PARD3: variants seen among roughly 807,000 people sequenced by gnomAD.
The protein encoded by PARD3 is par-3 family cell polarity regulator.
PARD3 carries 75 observed loss-of-function variants against 155.4 expected under a neutral mutation model. The ratio of observed to expected loss-of-function variants is 0.48; its 90% confidence interval spans 0.40 to 0.58. PARD3 has a LOEUF of 0.58. Ranked by LOEUF, PARD3 falls within the 20% of genes least tolerant of loss-of-function variation. The pLI is 0.00. For missense variants in PARD3, 1,642 were observed against 1,721.7 expected (o/e 0.95, Z 0.82); for synonymous variants, 576 against 610.5 (o/e 0.94, Z 0.83).
rs1445497932 is a variant in PARD3 at position 34,411,710 on chromosome 10, A to G, written c.715-9793T>C. 1.1e-4 allele frequency among the ~76,000 whole-genome samples: 16 copies of G among 148,784 alleles called. 1 individual carries two copies. In the Admixed American group the frequency reaches 1.1e-3, roughly 10 times the overall value. On this transcript the variant is annotated intron_variant, in intron 5 of 24. Coordinates refer to ENST00000374788, the MANE Select transcript of PARD3 (RefSeq NM_001184785.2). ...CTTATAGTAAATGTTATATGTGTGT[A>G]TATATCTAAAGACATACATATCTAG...
chr10:34,443,393 G>T (rs897843090), intron 5 of PARD3, among the ~76,000 whole-genome samples: 1 of 152,178 alleles, frequency 6.6e-6, no homozygotes, highest in East Asian at 1.9e-4. Context: ...GTATTAGTCC[G>T]TTCTCATGCT....
chr10:34,741,698 C>T lies in PARD3; in HGVS notation c.121-45279G>A, dbSNP rs534106248. ...CTGGTCGGTGCCACTGTGATACCTGCTTCTGTGGAGCAGATGATCCTGGGA... is the reference window on the plus strand; with the variant it reads ...CTGGTCGGTGCCACTGTGATACCTGTTTCTGTGGAGCAGATGATCCTGGGA... On this transcript the variant is annotated intron_variant, in intron 1 of 24. Coordinates refer to ENST00000374788, the MANE Select transcript of PARD3 (RefSeq NM_001184785.2). 3.9e-5 allele frequency among the ~76,000 whole-genome samples: 6 copies of T among 152,310 alleles called. No individual in the cohort carries two copies. In the East Asian group the frequency reaches 5.8e-4, roughly 15 times the overall value.
chr10:34,298,318 G>A (rs1202738559), intron 20 of PARD3, among the ~76,000 whole-genome samples: 2 of 152,156 alleles, frequency 1.3e-5, no homozygotes, highest in African/African-American at 2.4e-5. Context: ...TAAGACACTC[G>A]CGTTCACAGC....
intron 1 of PARD3, among the ~76,000 whole-genome samples, chr10:34,753,159 G>C (rs1836279568): frequency 1.3e-5 from 2 of 152,226 alleles, no homozygotes; most frequent in Non-Finnish European, 2.9e-5. Flanking sequence ...CCTGATTGCT[G>C]TGTGTACAAA....
chr10:34,637,580 T>C (rs2132895679), intron 2 of PARD3, among the ~76,000 whole-genome samples: 1 of 152,320 alleles, frequency 6.6e-6, no homozygotes, highest in Admixed American at 6.5e-5. Context: ...ATAATGTGCT[T>C]TGTTCTCAAA....
intron 2 of PARD3, among the ~76,000 whole-genome samples, chr10:34,688,221 A>C (rs1012235808): frequency 1.3e-5 from 2 of 152,120 alleles, no homozygotes; most frequent in African/African-American, 2.4e-5. Flanking sequence ...CTGAATCCCA[A>C]GTATTTTTAT....
At chr10:34,689,080 G>A (rs1435722767) in intron 2 of PARD3, among the ~76,000 whole-genome samples, 1 of 152,124 alleles carries the variant, frequency 6.6e-6, no homozygotes, top group African/African-American at 2.4e-5. Context: ...CATGCATCCA[G>A]GGGATATTCA....
At chr10:34,160,429 G>A (rs1949219126) in intron 22 of PARD3, among the ~76,000 whole-genome samples, 1 of 152,134 alleles carries the variant, frequency 6.6e-6, no homozygotes, top group South Asian at 2.1e-4. Context: ...CAATCAGTAG[G>A]CACCAACACA....
At chr10:34,145,437 AAT>A (rs1491475540) in intron 22 of PARD3, among the ~76,000 whole-genome samples, 259 of 151,214 alleles carry the variant, frequency 1.7e-3, no homozygotes, top group African/African-American at 5.7e-3. Flanking sequence ...GTTTTCTTTA[AAT>A]ATTGGACCTC....
chr10:34,279,571 A>G (rs749048463), intron 21 of PARD3, among the ~76,000 whole-genome samples: 3 of 152,204 alleles, frequency 2.0e-5, no homozygotes, highest in Non-Finnish European at 4.4e-5. Flanking sequence ...ATCTAAATGC[A>G]AAGATTAGTG....
intron 1 of PARD3, among the ~76,000 whole-genome samples, chr10:34,716,201 G>T (rs2094517213): frequency 6.6e-6 from 1 of 152,134 alleles, no homozygotes. Context: ...TGTAATGCGT[G>T]TGCCTTCAGT....
At chr10:34,331,521 C>T (rs1835611289) in intron 18 of PARD3, among the ~76,000 whole-genome samples, 177 bp from the exon 19 acceptor site, 2 of 152,052 alleles carry the variant, frequency 1.3e-5, no homozygotes, top group Non-Finnish European at 2.9e-5. Context: ...TTATTTTTCC[C>T]AAACTTATAT....
At chr10:34,579,796 C>T (rs1417513179) in intron 2 of PARD3, among the ~76,000 whole-genome samples, 3 of 151,600 alleles carry the variant, frequency 2.0e-5, no homozygotes, top group African/African-American at 7.3e-5. Context: ...AGGCTGGTCT[C>T]GAACTCCTGA....
At chr10:34,170,309 A>C (rs1949727168) in intron 22 of PARD3, among the ~76,000 whole-genome samples, 1 of 151,990 alleles carries the variant, frequency 6.6e-6, no homozygotes, top group Non-Finnish European at 1.5e-5. Context: ...CTGGTCTAGA[A>C]CTCTGGTGTC....
At chr10:34,120,837 C>T (rs1391171604) in intron 23 of PARD3, among the ~76,000 whole-genome samples, 1 of 152,202 alleles carries the variant, frequency 6.6e-6, no homozygotes, top group Non-Finnish European at 1.5e-5. Flanking sequence ...TTGGTTAGCA[C>T]TCCATTTCAG....
At chr10:34,199,145 A>G (rs1951091064) in intron 22 of PARD3, among the ~76,000 whole-genome samples, 1 of 152,206 alleles carries the variant, frequency 6.6e-6, no homozygotes, top group Non-Finnish European at 1.5e-5. Flanking sequence ...GGATCCAATC[A>G]GATCGTGCCT....
At chr10:34,432,042 A>C (rs1303307433) in intron 5 of PARD3, among the ~76,000 whole-genome samples, 2 of 43,162 alleles carry the variant, frequency 4.6e-5, no homozygotes, top group African/African-American at 1.5e-4. Context: ...ACTCTGTCTC[A>C]AAAAAAAAAA....
intron 1 of PARD3, among the ~76,000 whole-genome samples, chr10:34,706,454 G>C (rs991940223): frequency 2.0e-5 from 3 of 152,172 alleles, no homozygotes; most frequent in African/African-American, 7.2e-5. Flanking sequence ...AGTACATAAA[G>C]AGAAGATCCA....
At chr10:34,458,856 T>C (rs893944476) in intron 4 of PARD3, among the ~76,000 whole-genome samples, 4 of 152,182 alleles carry the variant, frequency 2.6e-5, no homozygotes, top group Non-Finnish European at 5.9e-5. Flanking sequence ...ACATGGCCCC[T>C]GAATTCCCCT....
Sources: allele counts gnomAD v4.1 joint callset (sites outside exome capture counted in the v4.1 genomes callset), GRCh38; gene constraint gnomAD v4.1.1; transcripts MANE v1.5; gene names NCBI Gene and HGNC (gene_info 2026-07-23, HGNC 2026-07-21).